Variants in GRIA1 observed in about 807,000 individuals in gnomAD.
The protein encoded by GRIA1 is glutamate receptor 1.
GRIA1 carries 31 observed loss-of-function variants against 99.2 expected under a neutral mutation model. The ratio of observed to expected loss-of-function variants is 0.31; its 90% confidence interval spans 0.23 to 0.42. The LOEUF (loss-of-function observed/expected upper bound fraction) is 0.42, where lower values mean the gene tolerates loss of function less well. Ranked by LOEUF, GRIA1 falls within the 10% of genes least tolerant of loss-of-function variation. The pLI, the probability that GRIA1 is intolerant of heterozygous loss-of-function variation, is 1.00. For missense variants in GRIA1, 782 were observed against 1,157.5 expected (o/e 0.68, Z 4.71); for synonymous variants, 438 against 432.4 (o/e 1.01, Z -0.16).
chr5:153,607,159 C>G (rs975842058), intron 2 of GRIA1, among the ~76,000 whole-genome samples: 1 of 150,736 alleles, frequency 6.6e-6, no homozygotes, highest in Non-Finnish European at 1.5e-5. Flanking sequence ...TATAAACATG[C>G]ATGTGCAAGT....
At position 153,562,713 on chromosome 5, in the gene GRIA1, G is replaced by T. The variant is rs375777026; in HGVS notation, c.220+68648G>T. Among the ~76,000 whole-genome samples the T allele has an allele frequency of 2.5e-4, 38 of 152,278 alleles. 1 individual carries two copies. In the East Asian group the frequency reaches 5.0e-3, roughly 20 times the overall value. On this transcript the variant is annotated intron_variant, in intron 2 of 15. Coordinates refer to ENST00000285900, the MANE Select transcript of GRIA1 (RefSeq NM_000827.4). ...TGAGTAAGTGAGTGAGTGAGTGAAT[G>T]ATTGAATCTCCACTTGACTCCTGAG...
chr5:153,690,560 C>T (rs1489769887), intron 8 of GRIA1, among the ~76,000 whole-genome samples: 1 of 152,192 alleles, frequency 6.6e-6, no homozygotes, highest in East Asian at 1.9e-4. Context: ...ACGTAGCGGA[C>T]ATTCAGCCCA....
chr5:153,723,164 C>T (rs2149543300), intron 11 of GRIA1, among the ~76,000 whole-genome samples: 1 of 152,324 alleles, frequency 6.6e-6, no homozygotes, highest in South Asian at 2.1e-4. Flanking sequence ...GCATTCAAAA[C>T]ATGGTTGCTT....
intron 11 of GRIA1, among the ~76,000 whole-genome samples, chr5:153,733,264 A>G (rs867800082): frequency 6.6e-6 from 1 of 152,218 alleles, no homozygotes. Flanking sequence ...CTAAATTTCA[A>G]ATAGGTTCAA....
intron 2 of GRIA1, among the ~76,000 whole-genome samples, chr5:153,626,025 A>G (rs538459582): frequency 6.6e-6 from 1 of 152,210 alleles, no homozygotes; most frequent in Non-Finnish European, 1.5e-5. Flanking sequence ...AAGGCCACCG[A>G]ACCTGGAGGG....
intron 10 of GRIA1, among the ~76,000 whole-genome samples, chr5:153,704,719 C>T (rs1758769879): frequency 6.6e-6 from 1 of 152,188 alleles, no homozygotes; most frequent in Non-Finnish European, 1.5e-5. Flanking sequence ...AGTCCTACCC[C>T]TCTTTCAATG....
chr5:153,610,361 T>A (rs375531016), intron 2 of GRIA1, among the ~76,000 whole-genome samples: 18 of 152,348 alleles, frequency 1.2e-4, no homozygotes, highest in Admixed American at 2.6e-4. Flanking sequence ...GAAATCTACA[T>A]GCTCATAGAC....
intron 2 of GRIA1, among the ~76,000 whole-genome samples, chr5:153,520,661 T>C (rs1757055928): frequency 6.6e-6 from 1 of 152,130 alleles, no homozygotes; most frequent in African/African-American, 2.4e-5. Flanking sequence ...CATAGTTCTG[T>C]TCCTTACAAA....
chr5:153,733,253 T>C (rs1020744901), intron 11 of GRIA1, among the ~76,000 whole-genome samples: 1 of 152,050 alleles, frequency 6.6e-6, no homozygotes, highest in Admixed American at 6.6e-5. Context: ...TAATTTAAAC[T>C]CTAAATTTCA....
chr5:153,798,021 T>G (rs190344978), intron 14 of GRIA1, among the ~76,000 whole-genome samples: 1 of 152,082 alleles, frequency 6.6e-6, no homozygotes, highest in African/African-American at 2.4e-5. Context: ...GTTTTGGGGG[T>G]GGGGACAAGT....
At chr5:153,755,486 A>T (rs1343992766) in intron 11 of GRIA1, 1 of 152,192 alleles carries the variant, frequency 6.6e-6, no homozygotes, top group East Asian at 1.9e-4. Flanking sequence ...TATGACAATC[A>T]GGTGTCCACA....
chr5:153,676,384 T>A (rs551153101), intron 6 of GRIA1, among the ~76,000 whole-genome samples: 13 of 152,160 alleles, frequency 8.5e-5, no homozygotes, highest in African/African-American at 3.1e-4. Context: ...AGTCCCCTTT[T>A]TGTCAGGAGA....
intron 2 of GRIA1, among the ~76,000 whole-genome samples, chr5:153,517,699 C>T (rs137894781): frequency 6.6e-6 from 1 of 152,292 alleles, no homozygotes; most frequent in East Asian, 1.9e-4. Flanking sequence ...TTTGAATCCA[C>T]ACACTTTTTT....
chr5:153,791,821 T>G (rs139963040), intron 13 of GRIA1, among the ~76,000 whole-genome samples: 42 of 151,948 alleles, frequency 2.8e-4, no homozygotes, highest in South Asian at 2.1e-4. Context: ...TCTAGATAGG[T>G]GAGTTTACCA....
rs141484271 is a variant in GRIA1 at position 153,584,096 on chromosome 5, G to A, written c.221-62832G>A. Among the ~76,000 whole-genome samples the A allele has an allele frequency of 4.5e-3, 687 of 152,240 alleles. 6 individuals are homozygous for A. Among genetic ancestry groups the A allele is most frequent in the African/African-American group, 0.015 (635 of 41,542 alleles). On this transcript the variant is annotated intron_variant, in intron 2 of 15. Transcript: ENST00000285900. ...CAAATCAACTGCCTCCATCCCAAAG[G>A]ATATGGTTTTGGGGCAAGTTGGACT...
chr5:153,632,704 C>T (rs554163103), intron 2 of GRIA1, among the ~76,000 whole-genome samples: 47 of 152,190 alleles, frequency 3.1e-4, no homozygotes, highest in Non-Finnish European at 5.9e-4. Context: ...TTCAATAAAC[C>T]GTTATTGAAC....
chr5:153,778,169 G>A (rs1044341353), intron 13 of GRIA1, among the ~76,000 whole-genome samples: 1 of 132,974 alleles, frequency 7.5e-6, no homozygotes, highest in Non-Finnish European at 1.5e-5. Flanking sequence ...GAGGGAGGCA[G>A]AGAGACAGAG....
intron 8 of GRIA1, among the ~76,000 whole-genome samples, chr5:153,688,901 G>A (rs1371423793): frequency 1.3e-5 from 2 of 151,942 alleles, no homozygotes; most frequent in African/African-American, 4.8e-5. Flanking sequence ...TGTATTTTGG[G>A]TAGACACGGG....
intron 11 of GRIA1, among the ~76,000 whole-genome samples, chr5:153,717,603 G>A (rs1759759258): frequency 1.3e-5 from 2 of 152,116 alleles, no homozygotes; most frequent in Admixed American, 1.3e-4. Flanking sequence ...CCTGTACCCT[G>A]CTATGAGGCT....
Sources: allele counts gnomAD v4.1 joint callset (sites outside exome capture counted in the v4.1 genomes callset), GRCh38; gene constraint gnomAD v4.1.1; transcripts MANE v1.5; gene names NCBI Gene and HGNC (gene_info 2026-07-23, HGNC 2026-07-21).